ARHGEF7: variants seen among roughly 807,000 people sequenced by gnomAD.
The protein encoded by ARHGEF7 is Rho guanine nucleotide exchange factor 7.
Under a neutral mutation model 109.8 loss-of-function variants are expected in ARHGEF7, and 33 were observed. The observed-to-expected ratio is 0.30, with a 90% confidence interval of 0.23 to 0.40. The LOEUF (loss-of-function observed/expected upper bound fraction) is 0.40. Ranked by LOEUF, ARHGEF7 falls within the 10% of genes least tolerant of loss-of-function variation. The pLI is 1.00. For missense variants in ARHGEF7, 938 were observed against 1,098.5 expected (o/e 0.85, Z 2.07); for synonymous variants, 458 against 424.6 (o/e 1.08, Z -0.97).
intron 8 of ARHGEF7, 104 bp downstream of exon 8, chr13:111,244,398 C>T (rs1393306420): frequency 7.0e-6 from 5 of 710,844 alleles, no homozygotes; most frequent in Non-Finnish European, 1.2e-5. Context: ...AAGATGCAAA[C>T]TTAAGTTATT....
intron 1 of ARHGEF7, among the ~76,000 whole-genome samples, chr13:111,124,996 G>A (rs929830233): frequency 9.2e-5 from 14 of 152,170 alleles, no homozygotes; most frequent in African/African-American, 3.1e-4. Context: ...CTAACCTCAC[G>A]TGATCTGCCT....
intron 4 of ARHGEF7, among the ~76,000 whole-genome samples, chr13:111,213,259 C>T (rs539379038): frequency 6.6e-5 from 10 of 152,242 alleles, no homozygotes; most frequent in Admixed American, 3.3e-4. Flanking sequence ...TGACTGTGCC[C>T]GGCCAGGTCG....
chr13:111,286,805 C>T (rs1390278142), intron 17 of ARHGEF7, among the ~76,000 whole-genome samples: 3 of 152,188 alleles, frequency 2.0e-5, no homozygotes, highest in Non-Finnish European at 4.4e-5. Flanking sequence ...ATAAGTGGAG[C>T]TCTTTTCAGA....
intron 5 of ARHGEF7, 147 bp downstream of exon 5, chr13:111,218,027 C>T (rs2083343242): frequency 1.3e-6 from 1 of 783,518 alleles, no homozygotes; most frequent in South Asian, 2.7e-5. Context: ...AATGGATTTT[C>T]ACCTCAGCCC....
intron 3 of ARHGEF7, among the ~76,000 whole-genome samples, chr13:111,205,923 G>C (rs1345762384): frequency 6.6e-6 from 1 of 151,988 alleles, no homozygotes; most frequent in East Asian, 1.9e-4. Context: ...CCCTCTCATG[G>C]GCCACAGCGA....
chr13:111,203,197 C>A, intron 2 of ARHGEF7: 1 of 891,312 alleles, frequency 1.1e-6, no homozygotes, highest in Non-Finnish European at 1.5e-6. Flanking sequence ...ATTTTCAGAG[C>A]ACTAAGATTA....
intron 8 of ARHGEF7, among the ~76,000 whole-genome samples, chr13:111,251,371 G>A (rs2089750902): frequency 1.3e-5 from 2 of 152,188 alleles, no homozygotes; most frequent in South Asian, 4.1e-4. Flanking sequence ...GCGAGATCAG[G>A]TCCTGGAGAC....
intron 1 of ARHGEF7, among the ~76,000 whole-genome samples, chr13:111,120,495 G>A (rs1443662901): frequency 1.3e-5 from 2 of 150,614 alleles, no homozygotes; most frequent in South Asian, 2.1e-4. Context: ...AGACACATGC[G>A]TGTACATAGA....
In ARHGEF7 at chr13:111,283,175, G is replaced by T; in HGVS notation, c.1762G>T (p.Ala588Ser). 3 of 1,596,160 alleles carry T rather than the reference G, an allele frequency of 1.9e-6. No homozygotes were observed. Among genetic ancestry groups the T allele is most frequent in the Non-Finnish European group, 2.6e-6 (3 of 1,172,300 alleles). Residue 588 changes from alanine (A) to serine (S), a missense_variant, in exon 16 of 22, where the codon GCA becomes TCA. Transcript: ENST00000646102. ...SHPVTPSSKH[A>S]DSKPAPLTPA... ...CCCGGTCACTCCGTCCAGCAAGCAC[G>T]CAGACAGCAAGCCCGCGCCGCTGAC...
At chr13:111,124,269 T>C (rs1212593516) in intron 1 of ARHGEF7, among the ~76,000 whole-genome samples, 2 of 152,262 alleles carry the variant, frequency 1.3e-5, no homozygotes, top group East Asian at 3.9e-4. Flanking sequence ...TCATGTGATC[T>C]TTCAAGTGTG....
chr13:111,147,988 T>C (rs2083174), intron 1 of ARHGEF7, among the ~76,000 whole-genome samples: 60,306 of 152,010 alleles, frequency 0.4, 12,511 homozygotes, highest in East Asian at 0.7. Flanking sequence ...TGAGCCACCG[T>C]GCCCAGCCGA....
Position 111,280,172 on chromosome 13 carries a change from C to T in ARHGEF7, c.1507-100C>T, listed in dbSNP as rs2092704890. ...TTTTTGGTTCACAAACACAGTTCCT[C>T]CACCAATTCTAAAATCATTTAATAT... On this transcript the variant is annotated intron_variant, in intron 13 of 21. Transcript: ENST00000646102. 4.8e-6 allele frequency: 6 copies of T among 1,251,472 alleles called. 1 individual carries two copies. Among genetic ancestry groups the T allele is most frequent in the Non-Finnish European group, 6.7e-6 (6 of 900,350 alleles). The allele number at this position is 1,251,472 out of a possible 1,614,324, so 77.5% of individuals were successfully genotyped here. A position where few individuals can be genotyped will look rare whatever the true frequency, so the allele number is the denominator to read the frequency against.
chr13:111,274,615 AG>A (rs1366434871), intron 10 of ARHGEF7, 115 bp from the exon 11 acceptor site: 2 of 472,642 alleles, frequency 4.2e-6, no homozygotes, highest in East Asian at 6.9e-5. Context: ...TGAGGGAAAA[AG>A]GGAATGTTAA....
intron 2 of ARHGEF7, among the ~76,000 whole-genome samples, chr13:111,156,095 A>G (rs1406322717): frequency 1.6e-4 from 25 of 152,170 alleles, no homozygotes. Context: ...AAAAAAAAAA[A>G]AAAAAAAGTA....
chr13:111,195,908 C>T (rs1374358442), intron 2 of ARHGEF7, among the ~76,000 whole-genome samples: 2 of 152,140 alleles, frequency 1.3e-5, no homozygotes, highest in Admixed American at 6.5e-5. Flanking sequence ...CCTTTTGGGC[C>T]TATTCCTCTT....
At chr13:111,180,573 CAG>C (rs1382234170) in intron 2 of ARHGEF7, among the ~76,000 whole-genome samples, 2 of 152,166 alleles carry the variant, frequency 1.3e-5, no homozygotes. Flanking sequence ...TGTTGTAAGG[CAG>C]AGATAGTGAT....
chr13:111,286,083 C>G, intron 16 of ARHGEF7, 64 bp from the exon 17 acceptor site: 1 of 1,328,184 alleles, frequency 7.5e-7, no homozygotes, highest in Non-Finnish European at 1.1e-6. Flanking sequence ...AGCAGCCTTT[C>G]TGATATGCCA....
intron 5 of ARHGEF7, among the ~76,000 whole-genome samples, chr13:111,226,964 G>C (rs2085292664): frequency 6.6e-6 from 1 of 152,156 alleles, no homozygotes; most frequent in South Asian, 2.1e-4. Flanking sequence ...GATGACCTTA[G>C]GGCCTCAGGA....
At position 111,152,180 on chromosome 13, in the gene ARHGEF7, G is replaced by A. The variant is rs547296254; in HGVS notation, c.166-1725G>A. ...GAAGTGGAATGAATTAAAGGAGAAAGAATTAATGTCTGACTTGTTCAGAAA... is the reference window on the plus strand; with the variant it reads ...GAAGTGGAATGAATTAAAGGAGAAAAAATTAATGTCTGACTTGTTCAGAAA... On this transcript the variant is annotated intron_variant, in intron 1 of 21. Coordinates refer to ENST00000646102, the MANE Select transcript of ARHGEF7 (RefSeq NM_001354046.2). 2.6e-4 allele frequency among the ~76,000 whole-genome samples: 39 copies of A among 152,018 alleles called. No individual in the cohort carries two copies. The South Asian group carries it at 7.7e-3, about 30-fold the overall frequency.
Sources: allele counts gnomAD v4.1 joint callset (sites outside exome capture counted in the v4.1 genomes callset), GRCh38; gene constraint gnomAD v4.1.1; transcripts MANE v1.5; gene names NCBI Gene and HGNC (gene_info 2026-07-23, HGNC 2026-07-21).